EDA: variants seen among roughly 807,000 people sequenced by gnomAD.
The protein encoded by EDA is ectodysplasin-A.
In EDA, 2 loss-of-function variants were observed where a neutral mutation model predicts 23.6. The observed-to-expected ratio is 0.08, with a 90% confidence interval of 0.03 to 0.27. The LOEUF is 0.27. EDA is among the 10% of genes least tolerant of loss of function. The probability of loss-of-function intolerance (pLI) is 1.00; values close to 1 mark genes in which losing one functional copy is unlikely to be tolerated. For missense variants in EDA, 229 were observed against 324.2 expected, an observed-to-expected ratio of 0.71 and a Z score of 2.26; for synonymous variants, 131 against 132.0, an observed-to-expected ratio of 0.99 and a Z score of 0.05.
In EDA at chrX:69,728,185, G is replaced by A. The variant is rs750377667; in HGVS notation, c.396+111481G>A. ...ACTTGAACAAGGAGGCGGAGGTTTC[G>A]GTGAGCTGTCATCACACCACTGCAC... is the stretch of plus-strand genomic sequence containing the variant. On this transcript the variant is annotated intron_variant, in intron 1 of 7. Coordinates refer to ENST00000374552, the MANE Select transcript of EDA (RefSeq NM_001399.5). Among the ~76,000 whole-genome samples the A allele has an allele frequency of 1.5e-4, 16 of 108,619 alleles. No individual in the cohort carries two copies. The South Asian group carries it at 3.4e-3, about 23-fold the overall frequency. 94.3% of individuals were successfully genotyped at this position (108,619 alleles called of 115,157 possible). A position where few individuals can be genotyped will look rare whatever the true frequency, so the allele number is the denominator to read the frequency against.
rs779012402 is a variant in EDA, at chrX:70,038,548, G to A, written c.*2939G>A. On this transcript the variant is annotated 3_prime_UTR_variant, in exon 8 of 8. Coordinates refer to ENST00000374552, the MANE Select transcript of EDA (RefSeq NM_001399.5). ...GCAGGAGTCTCTGCCAGTTACTTGG[G>A]CTTCAACAGCCAAGCTGGCACAAAA... 180 of 110,930 alleles carry A rather than the reference G, an allele frequency of 1.6e-3. 1 individual carries two copies. The highest frequency in any genetic ancestry group is 2.4e-3 in the Non-Finnish European group (128 of 52,984). The allele number at this position is 110,930 out of a possible 1,213,427, so 9.1% of individuals were successfully genotyped here. A position where few individuals can be genotyped will look rare whatever the true frequency, so the allele number is the denominator to read the frequency against.
intron 1 of EDA, among the ~76,000 whole-genome samples, chrX:69,882,248 T>C (rs1490800354): frequency 9.0e-6 from 1 of 111,649 alleles, no homozygotes; most frequent in East Asian, 2.8e-4. Context: ...TAGGATTCCA[T>C]GGAGTTATAA....
chrX:69,733,730 A>G (rs1276912514), intron 1 of EDA, among the ~76,000 whole-genome samples: 3 of 111,571 alleles, frequency 2.7e-5, no homozygotes, highest in Non-Finnish European at 3.8e-5. Flanking sequence ...CTTCCTATCC[A>G]TGAGCATGGA....
chrX:69,754,939 T>C (rs2014048530), intron 1 of EDA, among the ~76,000 whole-genome samples: 2 of 111,960 alleles, frequency 1.8e-5, no homozygotes, highest in South Asian at 7.5e-4. Flanking sequence ...CTGTTTATTC[T>C]AGTTAGCCAT....
intron 1 of EDA, among the ~76,000 whole-genome samples, chrX:69,725,217 A>G (rs2012746923): frequency 9.0e-6 from 1 of 111,663 alleles, no homozygotes; most frequent in African/African-American, 3.3e-5. Flanking sequence ...AAAACCCTTC[A>G]CAATTAGAAC....
intron 1 of EDA, among the ~76,000 whole-genome samples, chrX:69,875,058 G>A (rs890119261): frequency 1.8e-5 from 2 of 111,473 alleles, no homozygotes; most frequent in Non-Finnish European, 3.8e-5. Flanking sequence ...TAACCATACT[G>A]CCAAAAGCAA....
At chrX:69,775,084 T>A (rs1465480339) in intron 1 of EDA, among the ~76,000 whole-genome samples, 1 of 111,962 alleles carries the variant, frequency 8.9e-6, no homozygotes, top group Non-Finnish European at 1.9e-5. Context: ...TGAGATTCTT[T>A]TAAGTTTATT....
At chrX:69,873,317 C>G (rs1406154548) in intron 1 of EDA, among the ~76,000 whole-genome samples, 1 of 111,751 alleles carries the variant, frequency 8.9e-6, no homozygotes, top group Non-Finnish European at 1.9e-5. Flanking sequence ...AATAGACAAT[C>G]TAAGGTCACA....
At chrX:69,782,392 A>C (rs1240411932) in intron 1 of EDA, among the ~76,000 whole-genome samples, 1 of 98,842 alleles carries the variant, frequency 1.0e-5, no homozygotes, top group Non-Finnish European at 2.1e-5. Context: ...AAAAAAAAAA[A>C]CATTAAGCAG....
intron 1 of EDA, among the ~76,000 whole-genome samples, chrX:69,713,260 C>T (rs989880140): frequency 4.5e-5 from 5 of 111,847 alleles, no homozygotes; most frequent in African/African-American, 6.5e-5. Flanking sequence ...AGAAATAATA[C>T]GGAGAGCTCC....
intron 1 of EDA, among the ~76,000 whole-genome samples, chrX:69,797,893 C>A (rs920521247): frequency 1.8e-5 from 2 of 111,772 alleles, no homozygotes; most frequent in Admixed American, 1.9e-4. Flanking sequence ...TTTTAAAAAA[C>A]ATGACCTAAC....
chrX:69,673,055 G>A (rs999090787), intron 1 of EDA, among the ~76,000 whole-genome samples: 1 of 111,059 alleles, frequency 9.0e-6, no homozygotes, highest in South Asian at 3.9e-4. Flanking sequence ...GAAAGTGAAC[G>A]GTAGGAATGA....
At chrX:70,021,683 G>C (rs960540230) in intron 2 of EDA, among the ~76,000 whole-genome samples, 1 of 112,003 alleles carries the variant, frequency 8.9e-6, no homozygotes, top group African/African-American at 3.2e-5. Context: ...AGAAGGAAAA[G>C]AGAATTGAGA....
chrX:69,821,264 G>A (rs757184622), intron 1 of EDA, among the ~76,000 whole-genome samples: 2 of 109,381 alleles, frequency 1.8e-5, no homozygotes, highest in Non-Finnish European at 3.8e-5. Context: ...GGGGGTGGGA[G>A]AGCATCAGGA....
In EDA at chrX:69,823,209, C is replaced by T. The variant is rs1490391030; in HGVS notation, c.397-133818C>T. ...TGATTTATAGTCCTTTGGGTATATACCCAGTAATGGGATGGCTGGGTCAAA... is the reference window on the plus strand; with the variant it reads ...TGATTTATAGTCCTTTGGGTATATATCCAGTAATGGGATGGCTGGGTCAAA... On this transcript the variant is annotated intron_variant, in intron 1 of 7. Coordinates refer to ENST00000374552, the MANE Select transcript of EDA (RefSeq NM_001399.5). 2.7e-5 allele frequency among the ~76,000 whole-genome samples: 2 copies of T among 73,692 alleles called. 1 individual carries two copies. The allele number at this position is 73,692 out of a possible 115,157, so 64.0% of individuals were successfully genotyped here.
chrX:69,757,625 G>A (rs1227488077), intron 1 of EDA, among the ~76,000 whole-genome samples: 2 of 112,239 alleles, frequency 1.8e-5, no homozygotes, highest in East Asian at 5.6e-4. Context: ...CATAAGGAAG[G>A]AAAATCTTAT....
intron 1 of EDA, among the ~76,000 whole-genome samples, chrX:69,634,319 T>C (rs1349074727): frequency 9.0e-6 from 1 of 111,275 alleles, no homozygotes; most frequent in Admixed American, 9.6e-5. Context: ...TTCTTTATTT[T>C]TATTTTATCC....
intron 1 of EDA, among the ~76,000 whole-genome samples, chrX:69,885,709 T>C (rs1368612058): frequency 5.4e-5 from 6 of 111,721 alleles, no homozygotes; most frequent in Admixed American, 9.5e-5. Flanking sequence ...GAAGGTCATT[T>C]TGACAAGAGG....
At chrX:69,682,905 T>A (rs962242650) in intron 1 of EDA, among the ~76,000 whole-genome samples, 2 of 111,559 alleles carry the variant, frequency 1.8e-5, no homozygotes, top group African/African-American at 6.5e-5. Context: ...GAGTTTAGTG[T>A]TTATCAACAT....
Sources: allele counts gnomAD v4.1 joint callset (sites outside exome capture counted in the v4.1 genomes callset), GRCh38; gene constraint gnomAD v4.1.1; transcripts MANE v1.5; gene names NCBI Gene and HGNC (gene_info 2026-07-23, HGNC 2026-07-21).